Variants in HABP4 observed in about 807,000 individuals in gnomAD.
HABP4 encodes the protein hyaluronan binding protein 4.
HABP4 carries 32 observed loss-of-function variants against 44.1 expected under a neutral mutation model. The ratio of observed to expected loss-of-function variants is 0.73; its 90% confidence interval spans 0.55 to 0.97. The LOEUF is 0.97. Among genes scored for constraint, HABP4 ranks in the 50% least tolerant of loss-of-function variants. The pLI is 0.00. For missense variants in HABP4, 503 were observed against 561.9 expected (o/e 0.90, Z 1.06); for synonymous variants, 216 against 218.0 (o/e 0.99, Z 0.08).
At chr9:96,463,286 G>A (rs1019624352) in intron 2 of HABP4, among the ~76,000 whole-genome samples, 2 of 151,402 alleles carry the variant, frequency 1.3e-5, no homozygotes, top group African/African-American at 4.9e-5. Flanking sequence ...ACAAGGTCTC[G>A]CTTTGTTGCC....
chr9:96,462,900 C>T (rs1832530530), intron 2 of HABP4, among the ~76,000 whole-genome samples: 1 of 151,954 alleles, frequency 6.6e-6, no homozygotes, highest in South Asian at 2.1e-4. Flanking sequence ...CCAGCTTGGG[C>T]AACAGAGTGA....
chr9:96,455,442 G>T (rs1469100336), intron 1 of HABP4, among the ~76,000 whole-genome samples: 3 of 145,622 alleles, frequency 2.1e-5, no homozygotes, highest in Non-Finnish European at 4.5e-5. Flanking sequence ...TCTGGGTGAC[G>T]GAGTGAGACT....
intron 5 of HABP4, among the ~76,000 whole-genome samples, chr9:96,479,754 A>G (rs933473984): frequency 3.3e-5 from 5 of 152,070 alleles, no homozygotes; most frequent in Non-Finnish European, 7.4e-5. Flanking sequence ...CAGGTGATCA[A>G]CTGGCCTTGG....
At chr9:96,453,170 G>A (rs1020028118) in intron 1 of HABP4, among the ~76,000 whole-genome samples, 2 of 148,052 alleles carry the variant, frequency 1.4e-5, no homozygotes, top group South Asian at 2.1e-4. Context: ...CGGTTCAAGC[G>A]ATTCTCCTGC....
At chr9:96,451,488 T>C (rs1003442544) in intron 1 of HABP4, 4 of 984,502 alleles carry the variant, frequency 4.1e-6, no homozygotes, top group Admixed American at 6.2e-5. Flanking sequence ...GTCCCAAGGT[T>C]TGCAGAGTGT....
At chr9:96,470,650 AC>A (rs1016181096) in intron 4 of HABP4, among the ~76,000 whole-genome samples, 1 of 151,838 alleles carries the variant, frequency 6.6e-6, no homozygotes, top group Non-Finnish European at 1.5e-5. Flanking sequence ...CGTAACTGTA[AC>A]CCCAGCACTT....
chr9:96,462,157 AAAAG>A (rs1340223189), intron 2 of HABP4, among the ~76,000 whole-genome samples: 1 of 151,434 alleles, frequency 6.6e-6, no homozygotes, highest in Non-Finnish European at 1.5e-5. Context: ...AAAAAAAAAA[AAAAG>A]AATTTGTAGG....
At chr9:96,486,522 C>T (rs189449218) in intron 6 of HABP4, among the ~76,000 whole-genome samples, 1 of 152,190 alleles carries the variant, frequency 6.6e-6, no homozygotes, top group East Asian at 1.9e-4. Context: ...CTTTCTTAAT[C>T]CACACCAGAT....
At chr9:96,452,751 A>G (rs189284531) in intron 1 of HABP4, among the ~76,000 whole-genome samples, 31 of 152,258 alleles carry the variant, frequency 2.0e-4, no homozygotes, top group African/African-American at 7.2e-4. Flanking sequence ...ACCCTAGTTG[A>G]TAAGAAGCAC....
intron 5 of HABP4, among the ~76,000 whole-genome samples, chr9:96,472,790 C>G (rs1428108856): frequency 6.6e-6 from 1 of 152,204 alleles, no homozygotes; most frequent in Non-Finnish European, 1.5e-5. Flanking sequence ...TCACTTCCTC[C>G]CCTCCACTTA....
At chr9:96,454,690 T>C (rs1183548513) in intron 1 of HABP4, among the ~76,000 whole-genome samples, 1 of 152,106 alleles carries the variant, frequency 6.6e-6, no homozygotes, top group Non-Finnish European at 1.5e-5. Context: ...TCTTGTGATC[T>C]GCCCGCCTTG....
chr9:96,450,683 G>T lies in HABP4; in HGVS notation c.349+55G>T. On this transcript the variant is annotated intron_variant, in intron 1 of 7. Transcript: ENST00000375249. This position sits in a 1 kb window ranked among gnomAD's most constrained non-coding sequence, Gnocchi z 4.8. ...ACGGCTCGGCCCGCTGTGAGACTGG[G>T]GTCCCGGGGGCCGGTTTCAGGAGGA... 3.3e-6 allele frequency: 4 copies of T among 1,215,206 alleles called. No individual in the cohort carries two copies. The highest frequency in any genetic ancestry group is 4.1e-6 in the Non-Finnish European group (4 of 973,194). 75.3% of individuals were successfully genotyped at this position (1,215,206 alleles called of 1,614,324 possible). A position where few individuals can be genotyped will look rare whatever the true frequency, so the allele number is the denominator to read the frequency against.
At chr9:96,451,254 A>G (rs959621229) in intron 1 of HABP4, among the ~76,000 whole-genome samples, 2 of 152,250 alleles carry the variant, frequency 1.3e-5, no homozygotes, top group Non-Finnish European at 2.9e-5. Context: ...TGCAACTTAT[A>G]AATAGCTCAA....
chr9:96,487,576 T>C (rs1832997537), intron 6 of HABP4, among the ~76,000 whole-genome samples: 1 of 152,224 alleles, frequency 6.6e-6, no homozygotes, highest in African/African-American at 2.4e-5. Flanking sequence ...CATGGTATTA[T>C]AATCAGCACC....
chr9:96,453,797 G>T (rs1832327895), intron 1 of HABP4, among the ~76,000 whole-genome samples: 1 of 152,234 alleles, frequency 6.6e-6, no homozygotes, highest in Non-Finnish European at 1.5e-5. Context: ...TGCAGTGCTT[G>T]CATTCTCCAC....
chr9:96,450,753 C>G lies in HABP4; in HGVS notation c.349+125C>G. 1 of 783,766 alleles carries G rather than the reference C, an allele frequency of 1.3e-6. No individual in the cohort carries two copies. The highest frequency in any genetic ancestry group is 1.7e-6 in the Non-Finnish European group (1 of 586,990). The allele number at this position is 783,766 out of a possible 1,614,324, so 48.6% of individuals were successfully genotyped here. A position where few individuals can be genotyped will look rare whatever the true frequency, so the allele number is the denominator to read the frequency against. ...GAGAGTTGAGGGTCCTGGTGGCCGC[C>G]GAAGGTAGGAGGAGAGGGGCAGGGG... On this transcript the variant is annotated intron_variant, in intron 1 of 7. Coordinates refer to ENST00000375249, the MANE Select transcript of HABP4 (RefSeq NM_014282.4). The surrounding 1 kb of genome is among the most constrained non-coding windows in gnomAD (Gnocchi z 4.8).
chr9:96,489,489 C>T (rs989902719), intron 7 of HABP4, among the ~76,000 whole-genome samples: 1 of 151,314 alleles, frequency 6.6e-6, no homozygotes, highest in Non-Finnish European at 1.5e-5. Flanking sequence ...TGAGGTTCAT[C>T]CCAGGGAGAA....
intron 4 of HABP4, among the ~76,000 whole-genome samples, chr9:96,470,617 T>TCA (rs958777657): frequency 3.3e-5 from 5 of 151,864 alleles, no homozygotes; most frequent in African/African-American, 1.2e-4. Context: ...TTTAAAGCCC[T>TCA]CAATAGGCCA....
chr9:96,484,300 G>T, intron 5 of HABP4, 162 bp from the exon 6 acceptor site: 1 of 538,968 alleles, frequency 1.9e-6, no homozygotes, highest in Non-Finnish European at 3.3e-6. Flanking sequence ...TGTTGAAAAT[G>T]AAATATGGAA....
Sources: gnomAD v4.1 joint callset for allele counts (sites outside exome capture counted in the v4.1 genomes callset) on GRCh38, gnomAD v4.1.1 for gene constraint, Gnocchi (gnomAD v3.1) non-coding constraint, MANE v1.5 for transcripts, NCBI Gene and HGNC (gene_info 2026-07-23, HGNC 2026-07-21) for gene names.